Variants in B3GAT1 observed in about 807,000 individuals in gnomAD.
B3GAT1 encodes the protein galactosylgalactosylxylosylprotein 3-beta-glucuronosyltransferase 1.
A neutral mutation model predicts 28.4 loss-of-function variants in B3GAT1; 11 were observed. That is an observed-to-expected ratio of 0.39 (90% confidence interval 0.24 to 0.64). B3GAT1 has a LOEUF of 0.64. Among genes scored for constraint, B3GAT1 ranks in the 30% least tolerant of loss-of-function variants. The pLI is 0.50. For synonymous variants in B3GAT1, 255 were observed against 223.1 expected, an observed-to-expected ratio of 1.14 and a Z score of -1.27; for missense variants, 375 against 491.0, an observed-to-expected ratio of 0.76 and a Z score of 2.23.
intron 1 of B3GAT1, among the ~76,000 whole-genome samples, chr11:134,396,240 C>T (rs543518907): frequency 1.1e-4 from 16 of 152,126 alleles, no homozygotes; most frequent in African/African-American, 1.7e-4. Context: ...GCATGAGCAC[C>T]GGGGGGTGGG....
intron 5 of B3GAT1, among the ~76,000 whole-genome samples, chr11:134,381,040 A>G (rs963138943): frequency 1.3e-5 from 2 of 152,194 alleles, no homozygotes; most frequent in African/African-American, 2.4e-5. Context: ...CTCCAGGGCA[A>G]GAGGACAAAT....
Position 134,387,649 on chromosome 11 carries a change from C to T in B3GAT1, c.11G>A (p.Arg4Lys). Residue 4 changes from arginine to lysine, a missense_variant, in exon 2 of 6, where the codon AGA becomes AAA. Arg to Lys is a conservative substitution (Grantham distance 26). Coordinates refer to ENST00000312527, the MANE Select transcript of B3GAT1 (RefSeq NM_054025.3). ...GAGGACGATCGCTAGGATGTCCCGT[C>T]TCTTCGGCATCTCCAAGGCTGGCTG... MPK[R>K]RDILAIVLIV... 1 of 1,614,166 alleles carries T rather than the reference C, an allele frequency of 6.2e-7. No homozygotes were observed. The highest frequency in any genetic ancestry group is 1.1e-5 in the South Asian group (1 of 91,086).
Position 134,393,815 on chromosome 11 carries a change from C to T in B3GAT1, c.-281-5875G>A, listed in dbSNP as rs929771924. Among the ~76,000 whole-genome samples, 3 of 152,278 alleles carry T rather than the reference C, an allele frequency of 2.0e-5. No individual in the cohort carries two copies. Among genetic ancestry groups the T allele is most frequent in the African/African-American group, 7.2e-5 (3 of 41,556 alleles). ...TGCGGACCGGGTGCAGGACACCAACCTGCTGGTTAAGACAGCTGCTGTTCA... is the reference window on the plus strand; with the variant it reads ...TGCGGACCGGGTGCAGGACACCAACTTGCTGGTTAAGACAGCTGCTGTTCA... On this transcript the variant is annotated intron_variant, in intron 1 of 5. Coordinates refer to ENST00000312527, the MANE Select transcript of B3GAT1 (RefSeq NM_054025.3). The surrounding 1 kb of genome is among the most constrained non-coding windows in gnomAD (Gnocchi z 4.0).
At chr11:134,399,347 C>T (rs1262657852) in intron 1 of B3GAT1, among the ~76,000 whole-genome samples, 2 of 152,216 alleles carry the variant, frequency 1.3e-5, no homozygotes, top group East Asian at 3.9e-4. Context: ...GAGAGACTCC[C>T]CAGTCAGCCA....
At chr11:134,382,578 G>A in intron 4 of B3GAT1, 132 bp downstream of exon 4, 1 of 1,116,834 alleles carries the variant, frequency 9.0e-7, no homozygotes, top group Non-Finnish European at 1.3e-6. Context: ...GTGATACACT[G>A]CCTTCCTGGG....
At chr11:134,386,805 T>C (rs1453376918) in intron 2 of B3GAT1, 2 of 152,320 alleles carry the variant, frequency 1.3e-5, no homozygotes, top group African/African-American at 4.8e-5. Context: ...GTATTAATGA[T>C]GTTTGTTTTT....
intron 1 of B3GAT1, among the ~76,000 whole-genome samples, chr11:134,399,743 C>T (rs4937882): frequency 0.54 from 81,514 of 151,966 alleles, 22,350 homozygotes; most frequent in East Asian, 0.82. Context: ...TGCTGAGTGC[C>T]GGTTGCAGCA....
chr11:134,398,734 G>A (rs547997869), intron 1 of B3GAT1, among the ~76,000 whole-genome samples: 9 of 152,048 alleles, frequency 5.9e-5, no homozygotes, highest in South Asian at 2.1e-4. Flanking sequence ...GCTCCCTCCC[G>A]GGCCCCCTCC....
chr11:134,397,068 C>T (rs543495740), intron 1 of B3GAT1, among the ~76,000 whole-genome samples: 5 of 152,300 alleles, frequency 3.3e-5, no homozygotes, highest in Middle Eastern at 6.8e-3. Flanking sequence ...CTGTCATGGT[C>T]CCGGCATGAA....
chr11:134,384,343 G>A, intron 2 of B3GAT1, 155 bp from the exon 3 acceptor site: 2 of 995,202 alleles, frequency 2.0e-6, no homozygotes, highest in Non-Finnish European at 1.4e-6. Context: ...TAGCTCTAAG[G>A]TTGAAATCTG....
At chr11:134,396,692 T>C (rs928008898) in intron 1 of B3GAT1, among the ~76,000 whole-genome samples, 3 of 152,138 alleles carry the variant, frequency 2.0e-5, no homozygotes, top group Non-Finnish European at 4.4e-5. Context: ...CTGTCACTGC[T>C]GACCTTGCAG....
In B3GAT1 at chr11:134,382,797, A is replaced by G. The variant is rs1345901178; in HGVS notation, c.831T>C (p.Gly277=). The change falls in exon 4 of 6, where the codon GGT becomes GGC. Residue 277 remains glycine (G), a synonymous_variant. Coordinates refer to ENST00000312527, the MANE Select transcript of B3GAT1 (RefSeq NM_054025.3). ...QRSQAYFKLR[G]VKGGYQESSL... The stretch of plus-strand genomic sequence containing the variant: ...TGCTTTCCTGGTAGCCTCCCTTCAC[A>G]CCTCGCAGCTTGAAGTAGGCCTGGC... 5.0e-6 allele frequency: 8 copies of G among 1,614,054 alleles called. No individual in the cohort carries two copies. Among genetic ancestry groups the G allele is most frequent in the African/African-American group, 1.3e-5 (1 of 74,914 alleles).
rs1425968822 is a variant in B3GAT1 at position 134,379,541 on chromosome 11, G to A, written c.*1221C>T. On this transcript the variant is annotated 3_prime_UTR_variant, in exon 6 of 6. Transcript: ENST00000312527. ...AAAGTGGACAGCTGGACATGAGGTG[G>A]GCTAGCTCTGCATGCTCCTGACTTA... 2 of 152,390 alleles carry A rather than the reference G, an allele frequency of 1.3e-5. No homozygotes were observed. Among genetic ancestry groups the A allele is most frequent in the African/African-American group, 4.8e-5 (2 of 41,410 alleles). 9.4% of individuals were successfully genotyped at this position (152,390 alleles called of 1,614,324 possible).
chr11:134,394,361 T>C (rs60337613), intron 1 of B3GAT1, among the ~76,000 whole-genome samples: 21,966 of 152,250 alleles, frequency 0.14, 1,756 homozygotes, highest in African/African-American at 0.2. Context: ...GTGATCGGCC[T>C]AAGGTCACTG....
rs1318390978 is a variant in B3GAT1, at chr11:134,411,990, G to A, written c.-465C>T. 1 of 130,398 alleles carries A rather than the reference G, an allele frequency of 7.7e-6. No homozygotes were observed. Among genetic ancestry groups the A allele is most frequent in the African/African-American group, 2.9e-5 (1 of 34,870 alleles). 8.1% of individuals were successfully genotyped at this position (130,398 alleles called of 1,614,324 possible). On this transcript the variant is annotated 5_prime_UTR_variant, in exon 1 of 6. Coordinates refer to ENST00000312527, the MANE Select transcript of B3GAT1 (RefSeq NM_054025.3). This position sits in a 1 kb window ranked among gnomAD's most constrained non-coding sequence, Gnocchi z 6.0. ...CGGGGTCCGCGCGCCCGCCCGCCCC[G>A]CCCGGCCCCGCCGCCCCGGCCCGGC...
At chr11:134,394,080 C>T (rs546581041) in intron 1 of B3GAT1, among the ~76,000 whole-genome samples, 17 of 152,326 alleles carry the variant, frequency 1.1e-4, no homozygotes, top group African/African-American at 4.1e-4. Flanking sequence ...CCACCACAGC[C>T]CTGCTGGGGG....
rs74321614 is a variant in B3GAT1, at chr11:134,395,895, T to C, written c.-281-7955A>G. Among the ~76,000 whole-genome samples the C allele has an allele frequency of 5.5e-3, 835 of 152,316 alleles. 25 individuals are homozygous for C. In the East Asian group the frequency reaches 0.071, roughly 13 times the overall value. On this transcript the variant is annotated intron_variant, in intron 1 of 5. Transcript: ENST00000312527. ...AGGCTGCGAAGTATTGGCAGGGCTG[T>C]GTCCTCATCTGGAGGGCTGACTGAG...
chr11:134,402,675 G>A (rs768239094), intron 1 of B3GAT1, among the ~76,000 whole-genome samples: 32 of 152,194 alleles, frequency 2.1e-4, no homozygotes, highest in Non-Finnish European at 3.8e-4. Context: ...CACATTGGGA[G>A]GCTGAGGTGG....
chr11:134,405,429 G>A (rs1944713609), intron 1 of B3GAT1, among the ~76,000 whole-genome samples: 1 of 152,216 alleles, frequency 6.6e-6, no homozygotes, highest in Non-Finnish European at 1.5e-5. Flanking sequence ...ACACACTCTG[G>A]CAGGCTAGCA....
Sources: allele counts gnomAD v4.1 joint callset (sites outside exome capture counted in the v4.1 genomes callset), GRCh38; gene constraint gnomAD v4.1.1; non-coding constraint Gnocchi (gnomAD v3.1); transcripts MANE v1.5; gene names NCBI Gene and HGNC (gene_info 2026-07-23, HGNC 2026-07-21).